LPAR3: variants seen among roughly 807,000 people sequenced by gnomAD.
LPAR3 encodes the protein lysophosphatidic acid receptor 3, also known as LPA receptor 3.
In LPAR3, 7 loss-of-function variants were observed where a neutral mutation model predicts 17.8. That is an observed-to-expected ratio of 0.39 (90% CI 0.22 to 0.74). The LOEUF (loss-of-function observed/expected upper bound fraction) is 0.74, where lower values mean the gene tolerates loss of function less well. Among genes scored for constraint, LPAR3 ranks in the 30% least tolerant of loss-of-function variants. The pLI is 0.40. For synonymous variants in LPAR3, 179 were observed against 179.9 expected, an observed-to-expected ratio of 0.99 and a Z score of 0.04; for missense variants, 391 against 453.4, an observed-to-expected ratio of 0.86 and a Z score of 1.25.
intron 2 of LPAR3, among the ~76,000 whole-genome samples, chr1:84,824,239 G>C (rs1391635542): frequency 6.6e-6 from 1 of 152,254 alleles, no homozygotes; most frequent in East Asian, 1.9e-4. Flanking sequence ...GGCAGGCACT[G>C]GGGTAGCGGT....
At chr1:84,849,390 A>AAAAG (rs1557598346) in intron 2 of LPAR3, among the ~76,000 whole-genome samples, 2 of 151,214 alleles carry the variant, frequency 1.3e-5, no homozygotes, top group African/African-American at 4.8e-5. Flanking sequence ...AAAAAAAAAA[A>AAAAG]AAAGAAAGAA....
At chr1:84,836,350 A>AAC (rs1200795406) in intron 2 of LPAR3, among the ~76,000 whole-genome samples, 1 of 151,274 alleles carries the variant, frequency 6.6e-6, no homozygotes, top group Non-Finnish European at 1.5e-5. Context: ...AAAAAAAAAA[A>AAC]AAAAAAACCC....
At chr1:84,843,975 ATC>A (rs978084517) in intron 2 of LPAR3, among the ~76,000 whole-genome samples, 43 of 152,182 alleles carry the variant, frequency 2.8e-4, no homozygotes, top group African/African-American at 1.0e-3. Flanking sequence ...TACCACCCTT[ATC>A]TCTCTCCCCA....
chr1:84,839,681 GTAAAA>G (rs149291447), intron 2 of LPAR3, among the ~76,000 whole-genome samples: 256 of 149,524 alleles, frequency 1.7e-3, no homozygotes, highest in Middle Eastern at 0.014. Flanking sequence ...AAATAAATAC[GTAAAA>G]TAAAATAAAA....
At chr1:84,842,379 C>T (rs10493756) in intron 2 of LPAR3, among the ~76,000 whole-genome samples, 31,353 of 152,110 alleles carry the variant, frequency 0.21, 3,928 homozygotes, top group East Asian at 0.35. Context: ...AGTCACTGGT[C>T]AAAAGCCAAA....
At chr1:84,879,316 C>CTTTTCTTT (rs200517029) in intron 1 of LPAR3, among the ~76,000 whole-genome samples, 3 of 120,622 alleles carry the variant, frequency 2.5e-5, no homozygotes, top group Admixed American at 8.8e-5. Flanking sequence ...TTTCTTTTTT[C>CTTTTCTTT]TTTTTTTTTT....
chr1:84,875,852 G>A (rs1660246035), intron 1 of LPAR3, among the ~76,000 whole-genome samples: 1 of 152,230 alleles, frequency 6.6e-6, no homozygotes, highest in African/African-American at 2.4e-5. Context: ...GAGAAGGATA[G>A]TCAGGAGTCT....
chr1:84,876,130 AT>A (rs1400898911), intron 1 of LPAR3, among the ~76,000 whole-genome samples: 3 of 152,240 alleles, frequency 2.0e-5, no homozygotes, highest in African/African-American at 7.2e-5. Flanking sequence ...CGAGAATGCT[AT>A]GCCTTGGTTA....
chr1:84,863,666 T>C (rs936914606), intron 2 of LPAR3, among the ~76,000 whole-genome samples: 2 of 152,172 alleles, frequency 1.3e-5, no homozygotes, highest in Non-Finnish European at 2.9e-5. Flanking sequence ...CCCCCAGGAC[T>C]CTCAAATGTA....
intron 2 of LPAR3, among the ~76,000 whole-genome samples, chr1:84,852,010 T>C (rs1307251017): frequency 1.3e-5 from 2 of 151,686 alleles, no homozygotes; most frequent in Non-Finnish European, 2.9e-5. Flanking sequence ...TAAAGGCGTG[T>C]AGTAGGATCT....
At chr1:84,850,679 A>C (rs1206474514) in intron 2 of LPAR3, among the ~76,000 whole-genome samples, 1 of 152,250 alleles carries the variant, frequency 6.6e-6, no homozygotes, top group African/African-American at 2.4e-5. Flanking sequence ...GAAATCTTTC[A>C]TGCCTTTGGG....
chr1:84,858,537 C>T (rs1432219748), intron 2 of LPAR3, among the ~76,000 whole-genome samples: 1 of 151,714 alleles, frequency 6.6e-6, no homozygotes, highest in Non-Finnish European at 1.5e-5. Flanking sequence ...TATTTCCCTC[C>T]CTTGTCTACC....
intron 2 of LPAR3, 34 bp from the exon 3 acceptor site, chr1:84,814,205 A>G (rs1658888171): frequency 1.3e-6 from 2 of 1,563,846 alleles, no homozygotes; most frequent in Admixed American, 1.7e-5. Flanking sequence ...ACAGATGCTC[A>G]GACCTTAGGG....
intron 1 of LPAR3, among the ~76,000 whole-genome samples, chr1:84,884,717 A>T (rs1660426777): frequency 6.6e-6 from 1 of 152,208 alleles, no homozygotes; most frequent in Non-Finnish European, 1.5e-5. Flanking sequence ...CACAGACCTC[A>T]TTGTCTGTCT....
intron 1 of LPAR3, among the ~76,000 whole-genome samples, chr1:84,888,236 T>G (rs997292586): frequency 4.6e-5 from 7 of 151,536 alleles, no homozygotes; most frequent in African/African-American, 1.7e-4. Context: ...AGATTGAGAT[T>G]TCAAACCTAA....
intron 2 of LPAR3, among the ~76,000 whole-genome samples, chr1:84,844,711 T>C (rs538436944): frequency 1.3e-5 from 2 of 152,318 alleles, no homozygotes; most frequent in South Asian, 4.1e-4. Flanking sequence ...TATTCGTATG[T>C]TGTCAAGCAT....
intron 2 of LPAR3, among the ~76,000 whole-genome samples, chr1:84,852,049 T>G (rs1659724172): frequency 8.6e-6 from 1 of 115,774 alleles, no homozygotes; most frequent in Non-Finnish European, 1.7e-5. Flanking sequence ...ATTTGGTGAC[T>G]AATTTTTTTT....
chr1:84,846,531 A>T (rs1172995277), intron 2 of LPAR3, among the ~76,000 whole-genome samples: 1 of 152,168 alleles, frequency 6.6e-6, no homozygotes, highest in East Asian at 1.9e-4. Context: ...TTCCACATGA[A>T]GCATTCTCTA....
intron 1 of LPAR3, among the ~76,000 whole-genome samples, chr1:84,887,824 C>T (rs1305078730): frequency 6.6e-6 from 1 of 152,112 alleles, no homozygotes; most frequent in Non-Finnish European, 1.5e-5. Flanking sequence ...CAACTGCAAA[C>T]ACTTTAGGAA....
Sources: gnomAD v4.1 joint callset for allele counts (sites outside exome capture counted in the v4.1 genomes callset) on GRCh38, gnomAD v4.1.1 for gene constraint, MANE v1.5 for transcripts, NCBI Gene and HGNC (gene_info 2026-07-23, HGNC 2026-07-21) for gene names.